The following SLC7A1 variants were observed in gnomAD, a reference collection of about 807,000 sequenced individuals.
The protein encoded by SLC7A1 is solute carrier family 7 member 1, also known as high affinity cationic amino acid transporter 1.
In SLC7A1, 10 loss-of-function variants were observed where a neutral mutation model predicts 53.9. The observed-to-expected ratio is 0.19, with a 90% CI of 0.11 to 0.31. The LOEUF (loss-of-function observed/expected upper bound fraction) is 0.31, where lower values mean the gene tolerates loss of function less well. Ranked by LOEUF, SLC7A1 falls within the 10% of genes least tolerant of loss-of-function variation. The probability of loss-of-function intolerance (pLI) is 1.00; values close to 1 mark genes in which losing one functional copy is unlikely to be tolerated. For synonymous variants in SLC7A1, 342 were observed against 338.7 expected (o/e 1.01, Z -0.11); for missense variants, 525 against 827.2 (o/e 0.63, Z 4.48).
chr13:29,544,098 A>G (rs1869795609), intron 2 of SLC7A1, among the ~76,000 whole-genome samples: 1 of 152,182 alleles, frequency 6.6e-6, no homozygotes, highest in Non-Finnish European at 1.5e-5. Context: ...CCAAACAAAT[A>G]AACAAATAAC....
chr13:29,520,687 A>T (rs945004544), intron 8 of SLC7A1, among the ~76,000 whole-genome samples: 2 of 152,224 alleles, frequency 1.3e-5, no homozygotes, highest in African/African-American at 4.8e-5. Context: ...ATAAACACAA[A>T]GCCATTATTT....
In SLC7A1 at chr13:29,509,750, T is replaced by TAA. The variant is rs1238292703; in HGVS notation, c.*4728_*4729dup. 2.0e-5 allele frequency: 3 copies of TAA among 152,268 alleles called. No individual in the cohort carries two copies. Among genetic ancestry groups the TAA allele is most frequent in the African/African-American group, 4.8e-5 (2 of 41,382 alleles). 9.4% of individuals were successfully genotyped at this position (152,268 alleles called of 1,614,324 possible). A position where few individuals can be genotyped will look rare whatever the true frequency, so the allele number is the denominator to read the frequency against. On this transcript the variant is annotated 3_prime_UTR_variant, in exon 13 of 13. Coordinates refer to ENST00000380752, the MANE Select transcript of SLC7A1 (RefSeq NM_003045.5). ...AAGCAAAAAAATATACAAATGTACATAATAAAAAACACACAACTCTTAATA... is the reference window on the plus strand; with the variant it reads ...AAGCAAAAAAATATACAAATGTACATAAAATAAAAAACACACAACTCTTAATA...
intron 1 of SLC7A1, among the ~76,000 whole-genome samples, chr13:29,584,843 C>G (rs977553902): frequency 1.3e-5 from 2 of 152,176 alleles, no homozygotes; most frequent in Non-Finnish European, 2.9e-5. Flanking sequence ...CGATATTAAC[C>G]CATAAGATTT....
chr13:29,593,373 T>C (rs1872185280), intron 1 of SLC7A1, among the ~76,000 whole-genome samples: 1 of 152,208 alleles, frequency 6.6e-6, no homozygotes, highest in Non-Finnish European at 1.5e-5. Flanking sequence ...AAGGTCTTGC[T>C]TGGAGTGAGG....
chr13:29,561,761 G>T (rs1185080774), intron 1 of SLC7A1, among the ~76,000 whole-genome samples: 1 of 152,192 alleles, frequency 6.6e-6, no homozygotes, highest in South Asian at 2.1e-4. Context: ...TGCCCTCTGA[G>T]GCTCTCGAGG....
chr13:29,566,734 C>T (rs1211874720), intron 1 of SLC7A1, among the ~76,000 whole-genome samples: 1 of 152,108 alleles, frequency 6.6e-6, no homozygotes, highest in Non-Finnish European at 1.5e-5. Context: ...TTTATACTTT[C>T]AATAGGTGAG....
intron 1 of SLC7A1, among the ~76,000 whole-genome samples, chr13:29,594,495 G>A (rs1316824782): frequency 1.3e-5 from 2 of 152,250 alleles, no homozygotes; most frequent in East Asian, 3.8e-4. Context: ...GTCAGGAGCT[G>A]AACCAGCAGG....
chr13:29,576,643 C>T (rs889498138), intron 1 of SLC7A1, among the ~76,000 whole-genome samples: 2 of 152,118 alleles, frequency 1.3e-5, no homozygotes, highest in Admixed American at 6.5e-5. Context: ...GGCCTTGTTC[C>T]GTGAGTGCCC....
chr13:29,580,664 T>C (rs1871607051), intron 1 of SLC7A1, among the ~76,000 whole-genome samples: 1 of 152,230 alleles, frequency 6.6e-6, no homozygotes, highest in Non-Finnish European at 1.5e-5. Flanking sequence ...AGAGAGACTA[T>C]TCCTGGGCCC....
intron 3 of SLC7A1, among the ~76,000 whole-genome samples, chr13:29,533,937 G>C (rs1869289253): frequency 1.3e-5 from 2 of 152,216 alleles, no homozygotes; most frequent in South Asian, 4.1e-4. Context: ...GTGATCTGCA[G>C]AGATTCAATT....
At chr13:29,583,282 C>A (rs542904975) in intron 1 of SLC7A1, among the ~76,000 whole-genome samples, 1 of 152,340 alleles carries the variant, frequency 6.6e-6, no homozygotes, top group African/African-American at 2.4e-5. Flanking sequence ...ATGTTTGAGT[C>A]ACTGCTCATT....
intron 2 of SLC7A1, among the ~76,000 whole-genome samples, chr13:29,543,545 C>T (rs762431801): frequency 2.6e-5 from 4 of 152,194 alleles, no homozygotes; most frequent in Non-Finnish European, 5.9e-5. Context: ...CCTCTGAGGT[C>T]CCATAGACAA....
At chr13:29,586,486 G>A (rs543827325) in intron 1 of SLC7A1, among the ~76,000 whole-genome samples, 1 of 152,188 alleles carries the variant, frequency 6.6e-6, no homozygotes, top group African/African-American at 2.4e-5. Context: ...ATTGCACCCA[G>A]ATGGTTTCAC....
chr13:29,583,563 C>G (rs183149422), intron 1 of SLC7A1, among the ~76,000 whole-genome samples: 1 of 152,152 alleles, frequency 6.6e-6, no homozygotes, highest in Non-Finnish European at 1.5e-5. Context: ...CACAGGACCA[C>G]TCATGGGCAA....
chr13:29,536,676 G>A (rs1159391316), intron 2 of SLC7A1, among the ~76,000 whole-genome samples: 1 of 152,316 alleles, frequency 6.6e-6, no homozygotes. Flanking sequence ...CAGAGGCCCT[G>A]AATGGCAATA....
At chr13:29,545,989 C>G (rs932142002) in intron 2 of SLC7A1, among the ~76,000 whole-genome samples, 5 of 152,226 alleles carry the variant, frequency 3.3e-5, no homozygotes, top group African/African-American at 1.2e-4. Context: ...GAGACGCCCA[C>G]GCCCTGTGTG....
In SLC7A1 at chr13:29,517,692, G is replaced by A. The variant is rs760480841; in HGVS notation, c.1391C>T (p.Ser464Phe). 1.9e-6 allele frequency: 3 copies of A among 1,614,066 alleles called. No individual in the cohort carries two copies. The highest frequency in any genetic ancestry group is 1.7e-6 in the Non-Finnish European group (2 of 1,180,014). The change falls in exon 10 of 13, where the codon TCC becomes TTC. Residue 464 changes from serine (S) to phenylalanine (F), a missense_variant. Physicochemically the swap from Ser to Phe is radical, Grantham distance 155 (BLOSUM62 -2). Transcript: ENST00000380752. ...TGCCTCTGGTAAAAAGCCCAGCTGG[G>A]AATCATTGGTGCTTGCCAATTCATT... ...DQNELASTND[S>F]QLGFLPEAEM...
At position 29,519,360 on chromosome 13, in the gene SLC7A1, T is replaced by A. The variant is rs1868515794; in HGVS notation, c.1292+87A>T. ...AGCTATCACCAACCTAAAAGTTTCA[T>A]TCATCACATAAACCATAGCTGAACT... On this transcript the variant is annotated intron_variant, in intron 9 of 12. Coordinates refer to ENST00000380752, the MANE Select transcript of SLC7A1 (RefSeq NM_003045.5). The A allele has an allele frequency of 3.9e-6, 3 of 772,992 alleles. No individual in the cohort carries two copies. The South Asian group carries it at 5.0e-5, about 13-fold the overall frequency. The allele number at this position is 772,992 out of a possible 1,614,324, so 47.9% of individuals were successfully genotyped here.
intron 1 of SLC7A1, among the ~76,000 whole-genome samples, chr13:29,555,044 T>C (rs995616560): frequency 2.0e-5 from 3 of 152,088 alleles, no homozygotes; most frequent in Non-Finnish European, 4.4e-5. Context: ...CCTCTACATA[T>C]GTCAATAAGT....
Sources: allele counts gnomAD v4.1 joint callset (sites outside exome capture counted in the v4.1 genomes callset), GRCh38; gene constraint gnomAD v4.1.1; transcripts MANE v1.5; gene names NCBI Gene and HGNC (gene_info 2026-07-23, HGNC 2026-07-21).